CDK5RAP2: variants seen among roughly 807,000 people sequenced by gnomAD.
CDK5RAP2 encodes the protein CDK5 regulatory subunit associated protein 2.
A neutral mutation model predicts 232.9 loss-of-function variants in CDK5RAP2; 147 were observed. The ratio of observed to expected loss-of-function variants is 0.63; its 90% CI spans 0.55 to 0.72. CDK5RAP2 has a LOEUF of 0.72. Among genes scored for constraint, CDK5RAP2 ranks in the 30% least tolerant of loss-of-function variants. The probability of loss-of-function intolerance (pLI) is 0.00; values close to 1 mark genes in which losing one functional copy is unlikely to be tolerated. For synonymous variants in CDK5RAP2, 833 were observed against 833.7 expected, an observed-to-expected ratio of 1.00 and a Z score of 0.01; for missense variants, 2,195 against 2,231.5, an observed-to-expected ratio of 0.98 and a Z score of 0.33.
intron 18 of CDK5RAP2, among the ~76,000 whole-genome samples, chr9:120,463,326 G>C (rs901742217): frequency 6.6e-5 from 10 of 152,080 alleles, no homozygotes; most frequent in African/African-American, 2.4e-4. Flanking sequence ...AGCTGAGATC[G>C]CGCCACTGCA....
chr9:120,518,227 G>C (rs868618609), intron 12 of CDK5RAP2, among the ~76,000 whole-genome samples, 200 bp downstream of exon 12: 11 of 149,636 alleles, frequency 7.4e-5, no homozygotes, highest in East Asian at 3.9e-4. Flanking sequence ...GAGAGAGAGA[G>C]AGAGAGAGAG....
Position 120,574,923 on chromosome 9 carries a change from C to A in CDK5RAP2, c.60-2882G>T, listed in dbSNP as rs73660586. On this transcript the variant is annotated intron_variant, in intron 1 of 37. Coordinates refer to ENST00000349780, the MANE Select transcript of CDK5RAP2 (RefSeq NM_018249.6). ...TAAACCCCCTGCTGTGAACCTACACCACCCTGGTACCCCTGACGCCTTCCC... is the reference window on the plus strand; with the variant it reads ...TAAACCCCCTGCTGTGAACCTACACAACCCTGGTACCCCTGACGCCTTCCC... Among the ~76,000 whole-genome samples, 641 of 151,832 alleles carry A rather than the reference C, an allele frequency of 4.2e-3. 7 individuals carry two copies. Among genetic ancestry groups the A allele is most frequent in the African/African-American group, 0.015 (611 of 41,360 alleles).
chr9:120,467,216 T>G (rs1379595287), intron 18 of CDK5RAP2, among the ~76,000 whole-genome samples: 1 of 152,186 alleles, frequency 6.6e-6, no homozygotes, highest in African/African-American at 2.4e-5. Context: ...GGGTTGTGTG[T>G]ATGTCAGTTT....
At chr9:120,435,582 A>AT (rs1162877410) in intron 25 of CDK5RAP2, among the ~76,000 whole-genome samples, 1 of 152,156 alleles carries the variant, frequency 6.6e-6, no homozygotes, top group Non-Finnish European at 1.5e-5. Flanking sequence ...GTTAAATATC[A>AT]TTCCTCACTA....
chr9:120,491,174 A>G (rs1356631777), intron 13 of CDK5RAP2, 133 bp downstream of exon 13: 1 of 740,800 alleles, frequency 1.3e-6, no homozygotes, highest in African/African-American at 1.8e-5. Context: ...CCCAAATGAC[A>G]TAATTAAAGC....
intron 12 of CDK5RAP2, among the ~76,000 whole-genome samples, chr9:120,495,939 G>GC (rs2039195297): frequency 2.9e-5 from 2 of 68,412 alleles, no homozygotes. Flanking sequence ...GGGGGGGTCA[G>GC]CCCCCCCACC....
intron 28 of CDK5RAP2, among the ~76,000 whole-genome samples, chr9:120,413,224 C>G (rs1184137505): frequency 6.6e-6 from 1 of 152,202 alleles, no homozygotes; most frequent in Admixed American, 6.5e-5. Context: ...CCTGACCGAC[C>G]TAAACCTGAG....
intron 27 of CDK5RAP2, 48 bp downstream of exon 27, chr9:120,419,740 T>C (rs1402832286): frequency 7.0e-7 from 1 of 1,419,816 alleles, no homozygotes; most frequent in Non-Finnish European, 1.0e-6. Context: ...TGGCAAATTA[T>C]TGTTTTAATC....
chr9:120,473,796 C>A (rs2037854372), intron 15 of CDK5RAP2, among the ~76,000 whole-genome samples: 1 of 152,230 alleles, frequency 6.6e-6, no homozygotes, highest in African/African-American at 2.4e-5. Flanking sequence ...TTTAGAGAAG[C>A]TCCTGCGATT....
chr9:120,474,659 G>A (rs2037905535), intron 15 of CDK5RAP2, among the ~76,000 whole-genome samples: 1 of 152,184 alleles, frequency 6.6e-6, no homozygotes, highest in African/African-American at 2.4e-5. Context: ...GTCTTAGAAT[G>A]CACATTTCCA....
At chr9:120,543,485 C>T (rs1490371151) in intron 5 of CDK5RAP2, among the ~76,000 whole-genome samples, 1 of 152,158 alleles carries the variant, frequency 6.6e-6, no homozygotes, top group Non-Finnish European at 1.5e-5. Context: ...TGGTTAATTC[C>T]TACTTATCTT....
chr9:120,565,381 C>G (rs1459357495), intron 3 of CDK5RAP2, among the ~76,000 whole-genome samples: 3 of 152,164 alleles, frequency 2.0e-5, no homozygotes, highest in African/African-American at 7.2e-5. Flanking sequence ...CCTTGCTCCC[C>G]TCCAAACTCT....
chr9:120,437,390 G>C lies in CDK5RAP2; in HGVS notation c.3860C>G (p.Ala1287Gly), dbSNP rs768839242. 1.9e-6 allele frequency: 3 copies of C among 1,614,056 alleles called. No homozygotes were observed. Among genetic ancestry groups the C allele is most frequent in the Non-Finnish European group, 2.5e-6 (3 of 1,179,970 alleles). The part of the protein sequence containing the change: ...MIKAFEELLQ[A>G]SDVDYCVAEG... ...GGCCACACAGTAATCCACATCACTG[G>C]CCTGCAGCAACTCCTCAAATGCCTT... Residue 1287 changes from alanine to glycine, a missense_variant, in exon 25 of 38, where the codon GCC becomes GGC. Physicochemically the swap from Ala to Gly is moderately conservative, Grantham distance 60. Transcript: ENST00000349780.
chr9:120,422,584 A>G, intron 26 of CDK5RAP2, 109 bp downstream of exon 26: 1 of 824,024 alleles, frequency 1.2e-6, no homozygotes, highest in South Asian at 1.4e-5. Flanking sequence ...TATTTACAAG[A>G]AGCAGGAAAC....
intron 13 of CDK5RAP2, among the ~76,000 whole-genome samples, chr9:120,489,625 G>C (rs928198294): frequency 2.0e-5 from 3 of 151,670 alleles, no homozygotes; most frequent in Non-Finnish European, 2.9e-5. Context: ...TTTTATATTT[G>C]CAGTCCTACT....
Position 120,409,214 on chromosome 9 carries a change from T to C in CDK5RAP2, c.4517A>G (p.Glu1506Gly), listed in dbSNP as rs542203722. Residue 1506 changes from glutamate to glycine, a missense_variant, in exon 30 of 38, where the codon GAA becomes GGA. Transcript: ENST00000349780. ...CTCGCTGCCTTCTTTCTGCAGCCTT[T>C]CATTTTCTTCCTTCACGCTGGCATA... ...REYASVKEENERLQKEGSEKE... is the reference protein window; with the variant it reads ...REYASVKEENGRLQKEGSEKE... 13 of 1,614,032 alleles carry C rather than the reference T, an allele frequency of 8.1e-6. No individual in the cohort carries two copies. The highest frequency in any genetic ancestry group is 1.1e-5 in the Non-Finnish European group (13 of 1,180,036).
intron 18 of CDK5RAP2, among the ~76,000 whole-genome samples, chr9:120,462,073 A>C (rs2037122961): frequency 6.6e-6 from 1 of 152,242 alleles, no homozygotes; most frequent in Non-Finnish European, 1.5e-5. Flanking sequence ...AAGGCAACTG[A>C]GTTCAGTTTT....
chr9:120,477,279 G>A, intron 15 of CDK5RAP2, 71 bp downstream of exon 15: 1 of 1,074,952 alleles, frequency 9.3e-7, no homozygotes, highest in Non-Finnish European at 1.4e-6. Context: ...TTGAAAGGGT[G>A]TGTGCGTGTA....
intron 29 of CDK5RAP2, among the ~76,000 whole-genome samples, chr9:120,409,979 G>T (rs913176607): frequency 6.6e-6 from 1 of 152,176 alleles, no homozygotes; most frequent in East Asian, 1.9e-4. Context: ...CACTCTGGGG[G>T]CTGGAAGCTT....
Sources: allele counts gnomAD v4.1 joint callset (sites outside exome capture counted in the v4.1 genomes callset), GRCh38; gene constraint gnomAD v4.1.1; transcripts MANE v1.5; gene names NCBI Gene and HGNC (gene_info 2026-07-23, HGNC 2026-07-21).